Variants in STS observed in about 807,000 individuals in gnomAD.
The protein encoded by STS is steroid sulfatase, also known as steryl-sulfatase.
In STS, 7 loss-of-function variants were observed where a neutral mutation model predicts 26.8. The ratio of observed to expected loss-of-function variants is 0.26; its 90% CI spans 0.15 to 0.49. The LOEUF is 0.49. Ranked by LOEUF, STS falls within the 20% of genes least tolerant of loss-of-function variation. The pLI is 0.98. For missense variants in STS, 434 were observed against 465.6 expected, an observed-to-expected ratio of 0.93 and a Z score of 0.63; for synonymous variants, 199 against 189.4, an observed-to-expected ratio of 1.05 and a Z score of -0.42.
intron 6 of STS, among the ~76,000 whole-genome samples, chrX:7,263,358 C>T (rs1187195593): frequency 1.8e-5 from 2 of 112,749 alleles, no homozygotes; most frequent in Non-Finnish European, 3.7e-5. Flanking sequence ...CATGAGCCAC[C>T]ACGCCCGGCC....
At chrX:7,230,134 C>T (rs1193288555) in intron 2 of STS, among the ~76,000 whole-genome samples, 2 of 110,912 alleles carry the variant, frequency 1.8e-5, no homozygotes, top group Non-Finnish European at 3.8e-5. Context: ...GCAGTCCTCT[C>T]GCTTTGGCCC....
At chrX:7,229,142 A>T (rs1374987772) in intron 2 of STS, among the ~76,000 whole-genome samples, 1 of 112,589 alleles carries the variant, frequency 8.9e-6, no homozygotes, top group Non-Finnish European at 1.9e-5. Context: ...ATAAATATGC[A>T]TGCATAATAG....
intron 1 of STS, among the ~76,000 whole-genome samples, chrX:7,161,046 C>T (rs779556565): frequency 9.0e-6 from 1 of 111,645 alleles, no homozygotes; most frequent in Admixed American, 9.5e-5. Flanking sequence ...ACCTCCACCT[C>T]CTGGGTTCCA....
At chrX:7,221,013 ATCT>A (rs777416054) in intron 2 of STS, among the ~76,000 whole-genome samples, 9 of 111,865 alleles carry the variant, frequency 8.0e-5, no homozygotes, top group African/African-American at 2.0e-4. Context: ...TCCCAAAAGC[ATCT>A]TCTTCTTAAC....
chrX:7,156,147 A>G lies in STS; in HGVS notation c.-134+8064A>G, dbSNP rs764560370. Among the ~76,000 whole-genome samples, 3 of 108,705 alleles carry G rather than the reference A, an allele frequency of 2.8e-5. No individual in the cohort carries two copies. The South Asian group carries it at 1.2e-3, about 44-fold the overall frequency. 94.4% of individuals were successfully genotyped at this position (108,705 alleles called of 115,157 possible). On this transcript the variant is annotated intron_variant, in intron 1 of 10. Transcript: ENST00000674429. ...AGCCTGGGTGTCATAGTGAGAACCT[A>G]TCTCAAAAAAAAAAAAAATTCTGAG... is the stretch of plus-strand genomic sequence containing the variant.
chrX:7,206,411 T>C (rs190937228), intron 2 of STS, among the ~76,000 whole-genome samples: 1 of 112,598 alleles, frequency 8.9e-6, no homozygotes, highest in East Asian at 2.8e-4. Context: ...AGTTCTATTT[T>C]GTTCTCTAAA....
intron 7 of STS, among the ~76,000 whole-genome samples, chrX:7,284,110 G>A (rs1485884559): frequency 1.8e-5 from 2 of 111,690 alleles, no homozygotes; most frequent in Non-Finnish European, 3.8e-5. Context: ...CAGGCAGAGA[G>A]AGGGGATGCA....
At chrX:7,323,984 G>A (rs1488829026) in intron 8 of STS, among the ~76,000 whole-genome samples, 1 of 111,756 alleles carries the variant, frequency 8.9e-6, no homozygotes, top group African/African-American at 3.3e-5. Flanking sequence ...GTCAGACTCT[G>A]TAAAACGTTT....
At chrX:7,288,321 T>G (rs1468066823) in intron 7 of STS, among the ~76,000 whole-genome samples, 1 of 110,100 alleles carries the variant, frequency 9.1e-6, no homozygotes, top group Non-Finnish European at 1.9e-5. Context: ...ACTCAAATAT[T>G]CATCCAAAAT....
chrX:7,209,837 C>T (rs1920986087), intron 2 of STS, among the ~76,000 whole-genome samples: 1 of 110,112 alleles, frequency 9.1e-6, no homozygotes, highest in Non-Finnish European at 1.9e-5. Flanking sequence ...CATGTGTTCT[C>T]AATGTTCAAC....
intron 7 of STS, among the ~76,000 whole-genome samples, chrX:7,300,196 T>C (rs985078445): frequency 6.2e-5 from 7 of 112,174 alleles, no homozygotes; most frequent in African/African-American, 1.9e-4. Flanking sequence ...TCTTGTTATC[T>C]CCAGTTAAAT....
chrX:7,250,600 T>TA (rs11441774), intron 2 of STS, among the ~76,000 whole-genome samples: 39,112 of 110,920 alleles, frequency 0.35, 5,134 homozygotes, highest in Non-Finnish European at 0.39. Flanking sequence ...ATTTAGCATT[T>TA]AGCAGATTAA....
At chrX:7,341,858 G>C (rs1928300093) in intron 10 of STS, among the ~76,000 whole-genome samples, 2 of 109,254 alleles carry the variant, frequency 1.8e-5, no homozygotes, top group African/African-American at 6.7e-5. Context: ...TGTTGCCCAG[G>C]CTGACATGCA....
intron 6 of STS, among the ~76,000 whole-genome samples, chrX:7,261,217 C>T (rs1037575462): frequency 1.6e-4 from 18 of 111,208 alleles, no homozygotes; most frequent in Admixed American, 4.8e-4. Context: ...GTGACTTAAA[C>T]TCTATGAGAG....
At chrX:7,323,900 CCT>C (rs1427097124) in intron 8 of STS, among the ~76,000 whole-genome samples, 1 of 110,638 alleles carries the variant, frequency 9.0e-6, no homozygotes, top group African/African-American at 3.3e-5. Context: ...CATCTTCCAG[CCT>C]CTCTCTGTGA....
chrX:7,158,499 G>A (rs1438818443), intron 1 of STS, among the ~76,000 whole-genome samples: 1 of 111,674 alleles, frequency 9.0e-6, no homozygotes, highest in African/African-American at 3.3e-5. Flanking sequence ...ATGCCCTTCA[G>A]CTTTGCCTGA....
intron 7 of STS, among the ~76,000 whole-genome samples, chrX:7,304,576 A>G (rs1294050667): frequency 8.9e-6 from 1 of 112,128 alleles, no homozygotes. Flanking sequence ...GAATATTCTC[A>G]TAAAATATCT....
chrX:7,187,033 C>G (rs1933785226), intron 1 of STS, among the ~76,000 whole-genome samples: 1 of 111,564 alleles, frequency 9.0e-6, no homozygotes, highest in Admixed American at 9.5e-5. Context: ...GATGCCATCC[C>G]CTTGGAAAAG....
intron 2 of STS, among the ~76,000 whole-genome samples, chrX:7,198,585 G>A (rs1488841581): frequency 1.8e-5 from 2 of 111,772 alleles, no homozygotes; most frequent in Non-Finnish European, 3.8e-5. Context: ...TTCCGGAAAA[G>A]GCTGTTACCA....
Sources: gnomAD v4.1 joint callset for allele counts (sites outside exome capture counted in the v4.1 genomes callset) on GRCh38, gnomAD v4.1.1 for gene constraint, MANE v1.5 for transcripts, NCBI Gene and HGNC (gene_info 2026-07-23, HGNC 2026-07-21) for gene names.